Variants in DLGAP2 observed in about 807,000 individuals in gnomAD.
DLGAP2 encodes disks large-associated protein 2.
In DLGAP2, 26 loss-of-function variants were observed where a neutral mutation model predicts 100.3. The observed-to-expected ratio is 0.26, with a 90% CI of 0.19 to 0.36. The LOEUF is 0.36. Among genes scored for constraint, DLGAP2 ranks in the 10% least tolerant of loss-of-function variants. The pLI is 1.00. For synonymous variants in DLGAP2, 886 were observed against 630.1 expected (o/e 1.41, Z -6.08); for missense variants, 1,858 against 1,453.2 (o/e 1.28, Z -4.53).
At chr8:741,781 C>T (rs752440536) in intron 1 of DLGAP2, among the ~76,000 whole-genome samples, 8 of 152,174 alleles carry the variant, frequency 5.3e-5, no homozygotes, top group South Asian at 2.1e-4. Flanking sequence ...TCAGAGGTGG[C>T]TCCTGACTGG....
At chr8:739,241 C>G (rs78916014) in intron 1 of DLGAP2, 19,508 of 152,072 alleles carry the variant, frequency 0.13, 1,566 homozygotes, top group South Asian at 0.24. Flanking sequence ...TCCGGCGACG[C>G]GAAGGGGGGT....
chr8:1,334,720 G>C (rs1475446450), intron 3 of DLGAP2, among the ~76,000 whole-genome samples: 1 of 152,080 alleles, frequency 6.6e-6, no homozygotes, highest in African/African-American at 2.4e-5. Flanking sequence ...CAGGCCGTGT[G>C]CCTTCTGTAG....
intron 2 of DLGAP2, among the ~76,000 whole-genome samples, chr8:1,007,925 C>T (rs1801168361): frequency 6.6e-6 from 1 of 152,162 alleles, no homozygotes; most frequent in Non-Finnish European, 1.5e-5. Context: ...CAACCCACTC[C>T]ATGGCGCCCG....
chr8:1,348,642 G>C (rs536326777), intron 3 of DLGAP2, among the ~76,000 whole-genome samples: 1 of 152,156 alleles, frequency 6.6e-6, no homozygotes, highest in Non-Finnish European at 1.5e-5. Flanking sequence ...CCCACACAGA[G>C]CTGCATTGCT....
intron 3 of DLGAP2, among the ~76,000 whole-genome samples, chr8:1,495,507 G>C (rs1799519517): frequency 6.6e-6 from 1 of 152,252 alleles, no homozygotes; most frequent in Admixed American, 6.5e-5. Context: ...TGAGGGGTCA[G>C]AATGTGGTGG....
intron 3 of DLGAP2, among the ~76,000 whole-genome samples, chr8:1,314,598 G>T (rs893456578): frequency 6.6e-6 from 1 of 152,200 alleles, no homozygotes; most frequent in Non-Finnish European, 1.5e-5. Context: ...CCTCTCAGGT[G>T]TGCATTAGAT....
intron 2 of DLGAP2, among the ~76,000 whole-genome samples, chr8:1,243,532 G>A (rs920603790): frequency 3.9e-5 from 6 of 152,054 alleles, no homozygotes; most frequent in Non-Finnish European, 5.9e-5. Flanking sequence ...TGTTATTCTC[G>A]TTTCCTCTTA....
chr8:1,631,504 C>G (rs1797644948), intron 7 of DLGAP2, among the ~76,000 whole-genome samples: 1 of 152,204 alleles, frequency 6.6e-6, no homozygotes, highest in Non-Finnish European at 1.5e-5. Context: ...AGTGTGCATG[C>G]TTCTGAGCCC....
At chr8:1,358,877 G>A (rs1021432872) in intron 3 of DLGAP2, among the ~76,000 whole-genome samples, 2 of 150,684 alleles carry the variant, frequency 1.3e-5, no homozygotes, top group Non-Finnish European at 3.0e-5. Flanking sequence ...TCTGCCACAC[G>A]AGGGTGAGGT....
chr8:1,553,011 C>G (rs147088786), intron 5 of DLGAP2, among the ~76,000 whole-genome samples: 151 of 152,316 alleles, frequency 9.9e-4, no homozygotes, highest in African/African-American at 3.4e-3. Context: ...TGGCTTAGCT[C>G]AGGATGCCAA....
intron 2 of DLGAP2, among the ~76,000 whole-genome samples, chr8:1,254,952 G>C (rs1563043113): frequency 8.4e-5 from 12 of 143,602 alleles, no homozygotes; most frequent in Non-Finnish European, 4.6e-5. Context: ...CCCGGGTGCT[G>C]TGTGTGTGTC....
chr8:804,529 T>A (rs1796229884), intron 1 of DLGAP2, among the ~76,000 whole-genome samples: 1 of 152,204 alleles, frequency 6.6e-6, no homozygotes, highest in Non-Finnish European at 1.5e-5. Flanking sequence ...AGGGCTGACA[T>A]GCTATGGTTT....
At chr8:1,260,028 T>C (rs558954282) in intron 3 of DLGAP2, among the ~76,000 whole-genome samples, 1 of 152,016 alleles carries the variant, frequency 6.6e-6, no homozygotes, top group South Asian at 2.1e-4. Context: ...ATTTCCAGAG[T>C]CAAAAGTAAT....
At chr8:822,806 G>T (rs1224441823) in intron 1 of DLGAP2, among the ~76,000 whole-genome samples, 1 of 152,164 alleles carries the variant, frequency 6.6e-6, no homozygotes, top group Admixed American at 6.5e-5. Context: ...TGGGGCTGTG[G>T]ACGCCACAGT....
intron 3 of DLGAP2, among the ~76,000 whole-genome samples, chr8:1,310,017 C>G (rs1397429477): frequency 2.7e-5 from 4 of 146,978 alleles, no homozygotes; most frequent in African/African-American, 5.1e-5. Context: ...ATCATTTGAA[C>G]CACTGTATAC....
intron 6 of DLGAP2, among the ~76,000 whole-genome samples, chr8:1,597,389 T>TC (rs1796492324): frequency 6.6e-6 from 1 of 151,864 alleles, no homozygotes; most frequent in Non-Finnish European, 1.5e-5. Flanking sequence ...GTTTTTTTTT[T>TC]CCTAATTCTG....
At chr8:821,639 C>A (rs1261852488) in intron 1 of DLGAP2, among the ~76,000 whole-genome samples, 3 of 152,140 alleles carry the variant, frequency 2.0e-5, no homozygotes, top group Admixed American at 6.5e-5. Flanking sequence ...TTCTCTGGTA[C>A]TGGTTGTTTG....
intron 6 of DLGAP2, among the ~76,000 whole-genome samples, chr8:1,609,786 A>G (rs1168983855): frequency 7.1e-5 from 10 of 141,404 alleles, no homozygotes; most frequent in Non-Finnish European, 1.5e-5. Context: ...CAAAAGAGAC[A>G]AAGAAGGCCA....
intron 1 of DLGAP2, among the ~76,000 whole-genome samples, chr8:811,104 C>T (rs1475791097): frequency 6.6e-6 from 1 of 152,212 alleles, no homozygotes; most frequent in Non-Finnish European, 1.5e-5. Flanking sequence ...GGTGCCTCCC[C>T]GACCTGCCTG....
Sources: allele counts gnomAD v4.1 joint callset (sites outside exome capture counted in the v4.1 genomes callset), GRCh38; gene constraint gnomAD v4.1.1; transcripts MANE v1.5; gene names NCBI Gene and HGNC (gene_info 2026-07-23, HGNC 2026-07-21).